The following LRP1B variants were observed in gnomAD, a reference collection of about 807,000 sequenced individuals.
The protein encoded by LRP1B is low-density lipoprotein receptor-related protein 1B.
A neutral mutation model predicts 556.6 loss-of-function variants in LRP1B; 217 were observed. The ratio of observed to expected loss-of-function variants is 0.39; its 90% CI spans 0.35 to 0.44. The LOEUF (loss-of-function observed/expected upper bound fraction) is 0.44, where lower values mean the gene tolerates loss of function less well. Among genes scored for constraint, LRP1B ranks in the 20% least tolerant of loss-of-function variants. LRP1B has a pLI of 1.00. For missense variants in LRP1B, 5,053 were observed against 5,620.8 expected (o/e 0.90, Z 3.23); for synonymous variants, 2,047 against 1,865.8 (o/e 1.10, Z -2.50).
chr2:141,073,523 C>T (rs1212153213), intron 7 of LRP1B, among the ~76,000 whole-genome samples: 1 of 152,124 alleles, frequency 6.6e-6, no homozygotes, highest in East Asian at 1.9e-4. Flanking sequence ...CTTGAATGTT[C>T]CCATGACTTT....
At chr2:140,946,879 G>A (rs970407183) in intron 20 of LRP1B, among the ~76,000 whole-genome samples, 4 of 152,174 alleles carry the variant, frequency 2.6e-5, no homozygotes, top group African/African-American at 9.7e-5. Context: ...ACAGCGACAT[G>A]AATGCATCTG....
chr2:141,366,638 G>A (rs554135039), intron 3 of LRP1B, among the ~76,000 whole-genome samples: 4 of 152,048 alleles, frequency 2.6e-5, no homozygotes, highest in South Asian at 2.1e-4. Flanking sequence ...TTTCAAAATC[G>A]GCCATATTGG....
chr2:141,463,556 TAATATA>T (rs1559083746), intron 3 of LRP1B, among the ~76,000 whole-genome samples: 3 of 22,864 alleles, frequency 1.3e-4, no homozygotes, highest in East Asian at 1.1e-3. Context: ...TAATTATATA[TAATATA>T]TATTATATAT....
At chr2:141,782,230 G>GT (rs950291378) in intron 2 of LRP1B, among the ~76,000 whole-genome samples, 2 of 151,946 alleles carry the variant, frequency 1.3e-5, no homozygotes, top group African/African-American at 4.8e-5. Context: ...GGTACAGATT[G>GT]TTTTTTTGAA....
At chr2:141,937,946 T>C (rs1004822662) in intron 1 of LRP1B, among the ~76,000 whole-genome samples, 3 of 152,198 alleles carry the variant, frequency 2.0e-5, no homozygotes, top group African/African-American at 4.8e-5. Flanking sequence ...TATTAGAGAT[T>C]ATCTTTTTTC....
intron 1 of LRP1B, among the ~76,000 whole-genome samples, chr2:142,031,337 T>TCTC (rs1158009370): frequency 1.5e-4 from 19 of 125,730 alleles, no homozygotes; most frequent in South Asian, 1.2e-3. Flanking sequence ...CTTATTTTTT[T>TCTC]TTTTTTTTTT....
Position 140,852,057 on chromosome 2 carries a change from G to A in LRP1B, c.4580-274C>T, listed in dbSNP as rs796500387. Among the ~76,000 whole-genome samples, 13 of 152,312 alleles carry A rather than the reference G, an allele frequency of 8.5e-5. 1 individual carries two copies. The highest frequency in any genetic ancestry group is 3.1e-4 in the African/African-American group (13 of 41,570). On this transcript the variant is annotated intron_variant, in intron 27 of 90. Transcript: ENST00000389484. Reference sequence around the variant, plus strand: ...TGCTTCGAGGTAGTGGCCGGATGTGGTTGCTCACGCCTGTCATCCCAGCAC... The same window carrying A: ...TGCTTCGAGGTAGTGGCCGGATGTGATTGCTCACGCCTGTCATCCCAGCAC...
At chr2:141,203,583 G>C (rs567793310) in intron 6 of LRP1B, among the ~76,000 whole-genome samples, 8 of 8,374 alleles carry the variant, frequency 9.6e-4, no homozygotes, top group Non-Finnish European at 2.2e-3. Flanking sequence ...CACAATAATG[G>C]GGGGGGAGGA....
chr2:141,841,952 T>C (rs1339751555), intron 1 of LRP1B, among the ~76,000 whole-genome samples: 2 of 152,198 alleles, frequency 1.3e-5, no homozygotes, highest in African/African-American at 4.8e-5. Context: ...ACAGGACATA[T>C]TTTACAAGCT....
At chr2:140,268,228 A>C (rs1323738473) in intron 86 of LRP1B, among the ~76,000 whole-genome samples, 1 of 151,890 alleles carries the variant, frequency 6.6e-6, no homozygotes, top group Admixed American at 6.6e-5. Context: ...ATGTTAATGA[A>C]TCTATTGTTC....
chr2:141,090,865 A>G (rs1231057994), intron 7 of LRP1B, among the ~76,000 whole-genome samples: 2 of 152,208 alleles, frequency 1.3e-5, no homozygotes, highest in African/African-American at 4.8e-5. Flanking sequence ...CATATTTGAC[A>G]TATGAACTAC....
chr2:141,945,318 C>T (rs1453468552), intron 1 of LRP1B, among the ~76,000 whole-genome samples: 2 of 152,050 alleles, frequency 1.3e-5, no homozygotes, highest in Non-Finnish European at 2.9e-5. Flanking sequence ...CAAACTAAAT[C>T]CTGGGGCTCA....
chr2:140,671,362 T>C (rs1685476978), intron 41 of LRP1B, among the ~76,000 whole-genome samples: 2 of 152,008 alleles, frequency 1.3e-5, no homozygotes, highest in Admixed American at 6.5e-5. Context: ...CTACTAAAAA[T>C]ACAAAAAAAT....
chr2:141,126,540 T>G lies in LRP1B; in HGVS notation c.1013+61881A>C, dbSNP rs147391430. 7.9e-3 allele frequency among the ~76,000 whole-genome samples: 1,204 copies of G among 152,282 alleles called. 17 individuals are homozygous for G. The highest frequency in any genetic ancestry group is 0.027 in the African/African-American group (1,117 of 41,566). ...ATTTCTTGACTCTCAAGCCTGGAAC[T>G]TCATTGAAGTTTTTTTTCTTCCTTA... On this transcript the variant is annotated intron_variant, in intron 7 of 90. Transcript: ENST00000389484.
rs115106705 is a variant in LRP1B, at chr2:140,395,832, T to A, written c.10415-9823A>T. 3.8e-3 allele frequency among the ~76,000 whole-genome samples: 574 copies of A among 152,336 alleles called. 5 individuals are homozygous for A. The highest frequency in any genetic ancestry group is 0.013 in the African/African-American group (535 of 41,586). On this transcript the variant is annotated intron_variant, in intron 66 of 90. Transcript: ENST00000389484. ...TCACATTATGCAGTTTCAGCAAGTG[T>A]CATATTACATTCTGTAATGCCATCT...
intron 3 of LRP1B, among the ~76,000 whole-genome samples, chr2:141,392,040 G>A (rs1159855228): frequency 2.5e-4 from 38 of 152,112 alleles, no homozygotes; most frequent in Non-Finnish European, 4.4e-5. Context: ...CTGATGAGTG[G>A]ACCATGGTGT....
At chr2:141,398,532 C>T (rs1690330159) in intron 3 of LRP1B, among the ~76,000 whole-genome samples, 1 of 152,106 alleles carries the variant, frequency 6.6e-6, no homozygotes, top group Non-Finnish European at 1.5e-5. Context: ...GTGAAGAAGA[C>T]ACTACTATTG....
chr2:140,408,312 T>A (rs1278691481), intron 66 of LRP1B, among the ~76,000 whole-genome samples: 1 of 151,604 alleles, frequency 6.6e-6, no homozygotes, highest in Non-Finnish European at 1.5e-5. Context: ...ACCACTACTA[T>A]CCAAAAAGCT....
At chr2:140,492,792 C>T (rs1688758066) in intron 56 of LRP1B, 99 bp from the exon 57 acceptor site, 2 of 799,032 alleles carry the variant, frequency 2.5e-6, no homozygotes, top group Non-Finnish European at 4.2e-6. Context: ...ATTTCAAATG[C>T]AGTGCTGATC....
Sources: allele counts gnomAD v4.1 joint callset (sites outside exome capture counted in the v4.1 genomes callset), GRCh38; gene constraint gnomAD v4.1.1; transcripts MANE v1.5; gene names NCBI Gene and HGNC (gene_info 2026-07-23, HGNC 2026-07-21).